RASGRP3: variants seen among roughly 807,000 people sequenced by gnomAD.
RASGRP3 encodes ras guanyl-releasing protein 3.
In RASGRP3, 54 loss-of-function variants were observed where a neutral mutation model predicts 82.7. That is an observed-to-expected ratio of 0.65 (90% CI 0.52 to 0.82). RASGRP3 has a LOEUF of 0.82. Among genes scored for constraint, RASGRP3 ranks in the 40% least tolerant of loss-of-function variants. RASGRP3 has a pLI of 0.00. For synonymous variants in RASGRP3, 309 were observed against 300.5 expected (o/e 1.03, Z -0.29); for missense variants, 861 against 828.9 (o/e 1.04, Z -0.48).
intron 13 of RASGRP3, among the ~76,000 whole-genome samples, chr2:33,545,927 C>T (rs1674690675): frequency 6.6e-6 from 1 of 152,072 alleles, no homozygotes; most frequent in Non-Finnish European, 1.5e-5. Flanking sequence ...GCCTGAGCCT[C>T]CTGAGTAGCT....
At chr2:33,461,419 C>T (rs1486047738) in intron 2 of RASGRP3, among the ~76,000 whole-genome samples, 2 of 152,188 alleles carry the variant, frequency 1.3e-5, no homozygotes, top group African/African-American at 4.8e-5. Flanking sequence ...GCTGGAATTA[C>T]AGGTGCCGTC....
intron 1 of RASGRP3, among the ~76,000 whole-genome samples, chr2:33,487,146 G>A (rs919599032): frequency 6.6e-6 from 1 of 152,050 alleles, no homozygotes; most frequent in Non-Finnish European, 1.5e-5. Flanking sequence ...ATTTTAGTAT[G>A]TGTTTCTAAA....
Position 33,516,773 on chromosome 2 carries a change from A to G in RASGRP3, c.173+129A>G, listed in dbSNP as rs17013201. 2,774 of 655,444 alleles carry G rather than the reference A, an allele frequency of 4.2e-3. 72 individuals are homozygous for G. The African/African-American group carries it at 0.044, about 10-fold the overall frequency. 40.6% of individuals were successfully genotyped at this position (655,444 alleles called of 1,614,324 possible). On this transcript the variant is annotated intron_variant, in intron 4 of 17. Coordinates refer to ENST00000403687, the MANE Select transcript of RASGRP3 (RefSeq NM_001139488.2). ...TTGGTTATCCAGCTGTTTTGTGAAT[A>G]TATATAGATGTCTAGACAAAACACA...
chr2:33,520,514 G>A (rs1339205518), intron 5 of RASGRP3, 39 bp from the exon 6 acceptor site: 1 of 1,610,252 alleles, frequency 6.2e-7, no homozygotes, highest in East Asian at 2.2e-5. Flanking sequence ...TAACCAACTT[G>A]CAATCTTCCA....
intron 10 of RASGRP3, among the ~76,000 whole-genome samples, chr2:33,528,063 G>A (rs916569092): frequency 6.6e-6 from 1 of 152,148 alleles, no homozygotes; most frequent in Non-Finnish European, 1.5e-5. Flanking sequence ...CATGTGGCAA[G>A]TTCAATTTCA....
At chr2:33,487,947 T>C (rs1422790028) in intron 1 of RASGRP3, among the ~76,000 whole-genome samples, 1 of 152,190 alleles carries the variant, frequency 6.6e-6, no homozygotes, top group Admixed American at 6.5e-5. Flanking sequence ...ACTTCATTCC[T>C]AAACATTTCA....
At chr2:33,555,201 G>C (rs1321672431) in intron 14 of RASGRP3, 1 of 202,480 alleles carries the variant, frequency 4.9e-6, no homozygotes, top group African/African-American at 2.3e-5. Context: ...GAGAGAGCCA[G>C]GGGCTCCCAA....
In RASGRP3 at chr2:33,511,826, C is replaced by T. The variant is rs1670955968; in HGVS notation, c.-144C>T. 6.6e-6 allele frequency: 1 copy of T among 152,556 alleles called. No homozygotes were observed. Among genetic ancestry groups the T allele is most frequent in the African/African-American group, 2.4e-5 (1 of 41,416 alleles). The allele number at this position is 152,556 out of a possible 1,614,324, so 9.5% of individuals were successfully genotyped here. ...AATTCTTTCAGATTTGGAACTGTAT[C>T]TGTATGGAAACAACAGGTAAGTATT... On this transcript the variant is annotated 5_prime_UTR_variant, in exon 2 of 18. Transcript: ENST00000403687.
At chr2:33,459,380 T>G (rs1364385349) in intron 2 of RASGRP3, among the ~76,000 whole-genome samples, 1 of 152,282 alleles carries the variant, frequency 6.6e-6, no homozygotes, top group African/African-American at 2.4e-5. Flanking sequence ...ATGATCCGCC[T>G]GCCTCAGCCT....
At chr2:33,499,241 C>T (rs1337859104) in intron 1 of RASGRP3, among the ~76,000 whole-genome samples, 1 of 152,100 alleles carries the variant, frequency 6.6e-6, no homozygotes, top group Non-Finnish European at 1.5e-5. Flanking sequence ...TTTGTCCAGA[C>T]ACCTAATCCT....
At chr2:33,463,852 G>A (rs565685365) in intron 2 of RASGRP3, among the ~76,000 whole-genome samples, 18 of 151,430 alleles carry the variant, frequency 1.2e-4, no homozygotes, top group South Asian at 8.4e-4. Context: ...CGCCTGCCTC[G>A]GCCTCCCGAA....
In RASGRP3 at chr2:33,446,913, G is replaced by A. The variant is rs534227795; in HGVS notation, c.-384-907G>A. Among the ~76,000 whole-genome samples, 16 of 152,068 alleles carry A rather than the reference G, an allele frequency of 1.1e-4. No individual in the cohort carries two copies. In the South Asian group the frequency reaches 3.3e-3, roughly 32 times the overall value. On this transcript the variant is annotated intron_variant, in intron 1 of 18. Coordinates refer to the RASGRP3 transcript ENST00000402538. Reference sequence around the variant, plus strand: ...AATCCCAGCACTTTGGGAGGCCGAGGCGGGTGCATTACGAGGTCAGGAGAT... The same window carrying A: ...AATCCCAGCACTTTGGGAGGCCGAGACGGGTGCATTACGAGGTCAGGAGAT...
At chr2:33,444,570 T>C (rs1024972919) in intron 1 of RASGRP3, among the ~76,000 whole-genome samples, 15 of 152,184 alleles carry the variant, frequency 9.9e-5, no homozygotes, top group Non-Finnish European at 1.8e-4. Flanking sequence ...CCACAGCTCA[T>C]AAATAATGTG....
intron 1 of RASGRP3, among the ~76,000 whole-genome samples, chr2:33,442,370 A>C (rs1665272214): frequency 6.6e-6 from 1 of 152,178 alleles, no homozygotes; most frequent in South Asian, 2.1e-4. Flanking sequence ...TCTCGAAAAA[A>C]AATTTCTGGT....
chr2:33,535,561 C>A (rs1673527520), intron 11 of RASGRP3, among the ~76,000 whole-genome samples: 2 of 152,358 alleles, frequency 1.3e-5, no homozygotes, highest in Middle Eastern at 6.8e-3. Context: ...GAGAGCCGTC[C>A]TCTGGCCCTG....
At chr2:33,488,352 C>T (rs115778414) in intron 1 of RASGRP3, among the ~76,000 whole-genome samples, 2,317 of 152,346 alleles carry the variant, frequency 0.015, 58 homozygotes, top group African/African-American at 0.053. Flanking sequence ...TAGTTTCTCA[C>T]TGAGCATCAC....
intron 6 of RASGRP3, 132 bp downstream of exon 6, chr2:33,520,816 G>C: frequency 8.0e-7 from 1 of 1,244,834 alleles, no homozygotes; most frequent in Admixed American, 2.1e-5. Flanking sequence ...AAGCCTTGCT[G>C]CAGTGAGCGC....
intron 1 of RASGRP3, among the ~76,000 whole-genome samples, chr2:33,492,493 C>A (rs1294265591): frequency 1.3e-5 from 2 of 152,082 alleles, no homozygotes; most frequent in Admixed American, 1.3e-4. Flanking sequence ...AAGCTCTAAC[C>A]CCCAATATGA....
Position 33,478,756 on chromosome 2 carries a change from G to A in RASGRP3, c.-261+2049G>A, listed in dbSNP as rs528126523. On this transcript the variant is annotated intron_variant, in intron 1 of 17. Transcript: ENST00000403687. ...ATGAGGAAACTGTAGCAAATTTATCGGAGTTACGGTGCAGAGCCAGAAGAG... is the reference window on the plus strand; with the variant it reads ...ATGAGGAAACTGTAGCAAATTTATCAGAGTTACGGTGCAGAGCCAGAAGAG... Among the ~76,000 whole-genome samples the A allele has an allele frequency of 4.1e-4, 62 of 152,302 alleles. 1 individual carries two copies. The highest frequency in any genetic ancestry group is 9.8e-4 in the Admixed American group (15 of 15,298).
Sources: allele counts gnomAD v4.1 joint callset (sites outside exome capture counted in the v4.1 genomes callset), GRCh38; gene constraint gnomAD v4.1.1; transcripts MANE v1.5; gene names NCBI Gene and HGNC (gene_info 2026-07-23, HGNC 2026-07-21).